UGT1A9: variants seen among roughly 807,000 people sequenced by gnomAD.
UGT1A9 encodes UDP glucuronosyltransferase family 1 member A9.
In UGT1A9, 35 loss-of-function variants were observed where a neutral mutation model predicts 45.0. The observed-to-expected ratio is 0.78, with a 90% confidence interval of 0.59 to 1.03. The LOEUF is 1.03. Among genes scored for constraint, UGT1A9 ranks in the 50% least tolerant of loss-of-function variants. UGT1A9 has a pLI of 0.00. For synonymous variants in UGT1A9, 278 were observed against 250.6 expected (o/e 1.11, Z -1.03); for missense variants, 687 against 666.6 (o/e 1.03, Z -0.34).
At chr2:233,747,502 C>A in intron 1 of UGT1A9, 1 of 1,608,242 alleles carries the variant, frequency 6.2e-7, no homozygotes, top group Non-Finnish European at 8.5e-7. Context: ...CTGGGCCACA[C>A]TCAACTGTAC....
At chr2:233,721,350 A>C (rs2076940105) in intron 1 of UGT1A9, among the ~76,000 whole-genome samples, 1 of 152,142 alleles carries the variant, frequency 6.6e-6, no homozygotes, top group Non-Finnish European at 1.5e-5. Context: ...TATATTCTTT[A>C]GACTGAACTG....
At chr2:233,731,044 G>A (rs190874066) in intron 1 of UGT1A9, among the ~76,000 whole-genome samples, 22 of 152,218 alleles carry the variant, frequency 1.4e-4, no homozygotes, top group African/African-American at 3.4e-4. Context: ...CATATTCACC[G>A]AATGTGTATG....
Position 233,767,908 on chromosome 2 carries a change from T to C in UGT1A9, c.1047T>C (p.Val349=). ...PSNLANNTIL[V]KWLPQNDLLG... ...ATCTTGCGAACAACACGATACTTGT[T>C]AAGTGGCTACCCCAAAACGATCTGC... The change falls in exon 3 of 5, where the codon GTT becomes GTC. Residue 349 remains valine (V), a synonymous_variant. Coordinates refer to ENST00000354728, the MANE Select transcript of UGT1A9 (RefSeq NM_021027.3). 6.2e-7 allele frequency: 1 copy of C among 1,614,222 alleles called. No individual in the cohort carries two copies.
intron 1 of UGT1A9, among the ~76,000 whole-genome samples, chr2:233,735,843 T>C (rs1217610969): frequency 2.0e-5 from 3 of 152,092 alleles, no homozygotes; most frequent in South Asian, 2.1e-4. Flanking sequence ...TGGCCCCCAC[T>C]CTCTTCTGTC....
At position 233,672,679 on chromosome 2, in the gene UGT1A9, T is replaced by C. The variant is rs2125502609; in HGVS notation, c.745T>C (p.Ser249Pro). The change falls in exon 1 of 5, where the codon TCA (serine) becomes CCA (proline). Residue 249 changes from serine (S) to proline (P), a missense_variant. Coordinates refer to ENST00000354728, the MANE Select transcript of UGT1A9 (RefSeq NM_021027.3). ...VTEYDLYSHT[S>P]IWLLRTDFVL... is the part of the protein sequence containing the mutation. ...GGAGTATGATCTCTACAGCCACACA[T>C]CAATTTGGTTGTTGCGAACGGACTT... 6.2e-7 allele frequency: 1 copy of C among 1,613,898 alleles called. No homozygotes were observed. The highest frequency in any genetic ancestry group is 1.3e-5 in the African/African-American group (1 of 75,014).
intron 1 of UGT1A9, among the ~76,000 whole-genome samples, chr2:233,695,435 CT>C (rs747907611): frequency 1.0e-4 from 13 of 130,450 alleles, no homozygotes; most frequent in African/African-American, 1.1e-4. Flanking sequence ...TCTTCTTCTT[CT>C]TTTTTTTTTG....
chr2:233,756,450 A>G (rs1426774092), intron 1 of UGT1A9: 1 of 152,082 alleles, frequency 6.6e-6, no homozygotes. Flanking sequence ...TTCCCCCCAA[A>G]TATTTTCAAT....
At chr2:233,753,561 G>A (rs1235204227) in intron 1 of UGT1A9, 1 of 152,192 alleles carries the variant, frequency 6.6e-6, no homozygotes, top group African/African-American at 2.4e-5. Flanking sequence ...GACCCTAGAA[G>A]ATGGGACCCT....
At chr2:233,770,476 A>T (rs1030894944) in intron 4 of UGT1A9, 3 of 152,132 alleles carry the variant, frequency 2.0e-5, no homozygotes, top group African/African-American at 7.2e-5. Flanking sequence ...CAACATGAAG[A>T]AACCTTATCT....
At chr2:233,680,774 A>G (rs112245153) in intron 1 of UGT1A9, among the ~76,000 whole-genome samples, 120 of 152,288 alleles carry the variant, frequency 7.9e-4, no homozygotes, top group African/African-American at 2.9e-3. Context: ...GATGAGCACC[A>G]AAGTGATTGG....
intron 1 of UGT1A9, among the ~76,000 whole-genome samples, chr2:233,730,768 A>G (rs1007690415): frequency 3.9e-5 from 6 of 152,134 alleles, no homozygotes; most frequent in African/African-American, 1.4e-4. Flanking sequence ...TGAATCTATA[A>G]GCCCAGTGAA....
At chr2:233,737,627 C>T (rs979960494) in intron 1 of UGT1A9, among the ~76,000 whole-genome samples, 1 of 152,190 alleles carries the variant, frequency 6.6e-6, no homozygotes, top group African/African-American at 2.4e-5. Flanking sequence ...AGAAATCATC[C>T]ATCTTCTGCG....
intron 1 of UGT1A9, chr2:233,682,137 G>A (rs1381446739): frequency 3.1e-6 from 5 of 1,614,078 alleles, no homozygotes; most frequent in South Asian, 1.1e-5. Flanking sequence ...TGGCAACTGG[G>A]AAGATCACTG....
In UGT1A9 at chr2:233,700,548, G is replaced by T. The variant is rs535853869; in HGVS notation, c.855+27759G>T. Among the ~76,000 whole-genome samples the T allele has an allele frequency of 2.0e-5, 3 of 151,944 alleles. No homozygotes were observed. The East Asian group carries it at 5.8e-4, about 29-fold the overall frequency. Reference sequence around the variant, plus strand: ...ATAACTCTAGGAGAATGAGAATAAGGGGTTATAAAAATATAACTTTATTAT... The same window carrying T: ...ATAACTCTAGGAGAATGAGAATAAGTGGTTATAAAAATATAACTTTATTAT... On this transcript the variant is annotated intron_variant, in intron 1 of 4. Coordinates refer to ENST00000354728, the MANE Select transcript of UGT1A9 (RefSeq NM_021027.3).
intron 1 of UGT1A9, chr2:233,681,961 C>T: frequency 1.9e-6 from 3 of 1,613,960 alleles, no homozygotes; most frequent in Non-Finnish European, 2.5e-6. Context: ...GGTGGACTGG[C>T]CTCCTTCCCC....
intron 1 of UGT1A9, among the ~76,000 whole-genome samples, chr2:233,686,016 A>T (rs565898309): frequency 2.6e-5 from 4 of 152,216 alleles, no homozygotes; most frequent in African/African-American, 9.6e-5. Flanking sequence ...CTTGATTTTC[A>T]TCATGGTGCC....
At chr2:233,764,368 C>T (rs546564495) in intron 1 of UGT1A9, among the ~76,000 whole-genome samples, 6 of 152,276 alleles carry the variant, frequency 3.9e-5, no homozygotes, top group Non-Finnish European at 8.8e-5. Context: ...TAGTAGCTGG[C>T]TCAGGTAGGA....
intron 1 of UGT1A9, chr2:233,722,133 T>G (rs1336404223): frequency 5.8e-6 from 1 of 172,564 alleles, no homozygotes; most frequent in Non-Finnish European, 1.2e-5. Flanking sequence ...TAGTAGAGTT[T>G]AAGACTCCTG....
intron 1 of UGT1A9, among the ~76,000 whole-genome samples, chr2:233,688,187 G>A (rs947361033): frequency 3.3e-5 from 5 of 152,142 alleles, no homozygotes; most frequent in African/African-American, 9.7e-5. Flanking sequence ...AAGCCTTTAT[G>A]ACCGGCTTCT....
Sources: allele counts gnomAD v4.1 joint callset (sites outside exome capture counted in the v4.1 genomes callset), GRCh38; gene constraint gnomAD v4.1.1; transcripts MANE v1.5; gene names NCBI Gene and HGNC (gene_info 2026-07-23, HGNC 2026-07-21).